Variants in KCNT2 observed in about 807,000 individuals in gnomAD.
The protein encoded by KCNT2 is potassium channel subfamily T member 2.
In KCNT2, 67 loss-of-function variants were observed where a neutral mutation model predicts 153.8. The observed-to-expected ratio is 0.44, with a 90% CI of 0.36 to 0.53. The LOEUF is 0.53. Among genes scored for constraint, KCNT2 ranks in the 20% least tolerant of loss-of-function variants. KCNT2 has a pLI of 0.00. For missense variants in KCNT2, 975 were observed against 1,354.8 expected (o/e 0.72, Z 4.40); for synonymous variants, 500 against 458.8 (o/e 1.09, Z -1.15).
intron 1 of KCNT2, among the ~76,000 whole-genome samples, chr1:196,520,626 A>T (rs535214929): frequency 5.4e-4 from 82 of 152,238 alleles, no homozygotes; most frequent in Middle Eastern, 3.4e-3. Flanking sequence ...CATGGTAGAG[A>T]ACCCAGAAAT....
intron 1 of KCNT2, among the ~76,000 whole-genome samples, chr1:196,497,657 A>G (rs373426789): frequency 2.6e-5 from 4 of 152,260 alleles, no homozygotes; most frequent in East Asian, 1.9e-4. Context: ...ACACTTTACT[A>G]AAAATTATAT....
chr1:196,314,059 A>G (rs1435032407), intron 21 of KCNT2, among the ~76,000 whole-genome samples: 1 of 151,572 alleles, frequency 6.6e-6, no homozygotes, highest in South Asian at 2.1e-4. Context: ...CATGATTACT[A>G]TGGTGAGTTA....
chr1:196,361,101 A>G (rs1667580092), intron 14 of KCNT2, among the ~76,000 whole-genome samples: 1 of 152,042 alleles, frequency 6.6e-6, no homozygotes, highest in Non-Finnish European at 1.5e-5. Flanking sequence ...GTTGAACAGC[A>G]GCCTATGGAG....
intron 14 of KCNT2, among the ~76,000 whole-genome samples, chr1:196,366,836 A>T (rs1169490685): frequency 6.6e-6 from 1 of 152,228 alleles, no homozygotes; most frequent in African/African-American, 2.4e-5. Flanking sequence ...ATTCTGTCAC[A>T]CAGTGAATAT....
At chr1:196,336,586 T>C (rs746991045) in intron 16 of KCNT2, among the ~76,000 whole-genome samples, 3 of 152,184 alleles carry the variant, frequency 2.0e-5, no homozygotes, top group Non-Finnish European at 4.4e-5. Flanking sequence ...TCAGACGTTT[T>C]AAGAACTGTC....
chr1:196,499,081 G>T (rs1026533393), intron 1 of KCNT2, among the ~76,000 whole-genome samples: 1 of 152,156 alleles, frequency 6.6e-6, no homozygotes, highest in Non-Finnish European at 1.5e-5. Context: ...GCAGAAGGAA[G>T]ATGGTCATAT....
intron 14 of KCNT2, among the ~76,000 whole-genome samples, chr1:196,347,549 T>A (rs556727842): frequency 6.6e-6 from 1 of 152,162 alleles, no homozygotes; most frequent in East Asian, 1.9e-4. Context: ...TTTACAGTAA[T>A]GTAGTAAGAG....
intron 8 of KCNT2, among the ~76,000 whole-genome samples, chr1:196,450,240 G>C (rs757057214): frequency 1.3e-5 from 2 of 151,662 alleles, no homozygotes; most frequent in East Asian, 2.0e-4. Flanking sequence ...CCCACTGCCC[G>C]GTAAAGGTTT....
At chr1:196,310,128 A>C (rs1446259691) in intron 21 of KCNT2, among the ~76,000 whole-genome samples, 1 of 151,888 alleles carries the variant, frequency 6.6e-6, no homozygotes, top group African/African-American at 2.4e-5. Flanking sequence ...AAAAACACAA[A>C]TATAAGAATA....
chr1:196,468,760 C>G, intron 6 of KCNT2, among the ~76,000 whole-genome samples: 1 of 151,978 alleles, frequency 6.6e-6, no homozygotes, highest in South Asian at 2.1e-4. Context: ...ATGGCATCCC[C>G]AGAACATATA....
At chr1:196,517,732 T>C (rs998386748) in intron 1 of KCNT2, among the ~76,000 whole-genome samples, 14 of 152,100 alleles carry the variant, frequency 9.2e-5, no homozygotes, top group African/African-American at 3.4e-4. Flanking sequence ...AAAAAAAGAA[T>C]ACAAAGAAAT....
intron 26 of KCNT2, among the ~76,000 whole-genome samples, chr1:196,241,236 ATCAGGGAAGCTAAAC>A (rs1654932340): frequency 1.3e-5 from 2 of 152,138 alleles, no homozygotes; most frequent in South Asian, 4.2e-4. Context: ...GAAATACCTT[ATCAGGGAAGCTAAAC>A]TCAGTCATAC....
intron 23 of KCNT2, among the ~76,000 whole-genome samples, chr1:196,284,686 T>TGTC (rs1295672746): frequency 2.0e-5 from 3 of 152,090 alleles, no homozygotes; most frequent in African/African-American, 7.2e-5. Context: ...CCAGATAATA[T>TGTC]GTCTGGAAAC....
At chr1:196,229,224 G>A (rs1653739019) in intron 27 of KCNT2, among the ~76,000 whole-genome samples, 1 of 152,016 alleles carries the variant, frequency 6.6e-6, no homozygotes, top group Admixed American at 6.6e-5. Context: ...ATTTTTTCCA[G>A]CATGTGCTCA....
chr1:196,574,888 CTG>C (rs1438998047), intron 1 of KCNT2, among the ~76,000 whole-genome samples: 6 of 151,962 alleles, frequency 3.9e-5, no homozygotes, highest in African/African-American at 1.4e-4. Flanking sequence ...GTCTCTCTCT[CTG>C]TCTTTCCCAG....
At chr1:196,404,206 A>C (rs1671649485) in intron 12 of KCNT2, 1 of 809,828 alleles carries the variant, frequency 1.2e-6, no homozygotes, top group African/African-American at 1.9e-5. Flanking sequence ...ACTTTTCTCC[A>C]GCACCAGTGC....
At chr1:196,379,141 T>C (rs1669235636) in intron 13 of KCNT2, among the ~76,000 whole-genome samples, 1 of 152,200 alleles carries the variant, frequency 6.6e-6, no homozygotes, top group African/African-American at 2.4e-5. Context: ...TTCTTGTTGG[T>C]GAGACAACAT....
chr1:196,343,752 T>G (rs1017504954), intron 14 of KCNT2, among the ~76,000 whole-genome samples: 5 of 151,328 alleles, frequency 3.3e-5, no homozygotes, highest in Non-Finnish European at 7.4e-5. Context: ...TAATCGTGTT[T>G]TGTTTTGTTT....
intron 26 of KCNT2, among the ~76,000 whole-genome samples, chr1:196,239,657 GGAT>G (rs1229161976): frequency 6.6e-6 from 1 of 151,912 alleles, no homozygotes; most frequent in Non-Finnish European, 1.5e-5. Flanking sequence ...TTTTGAAAGA[GGAT>G]AATAGAATTT....
Sources: gnomAD v4.1 joint callset for allele counts (sites outside exome capture counted in the v4.1 genomes callset) on GRCh38, gnomAD v4.1.1 for gene constraint, MANE v1.5 for transcripts, NCBI Gene and HGNC (gene_info 2026-07-23, HGNC 2026-07-21) for gene names.